CHST9: variants seen among roughly 807,000 people sequenced by gnomAD.
The protein encoded by CHST9 is carbohydrate sulfotransferase 9, also known as GalNAc-4-sulfotransferase 2.
A neutral mutation model predicts 44.4 loss-of-function variants in CHST9; 41 were observed. The observed-to-expected ratio is 0.92, with a 90% confidence interval of 0.72 to 1.20. The LOEUF (loss-of-function observed/expected upper bound fraction) is 1.20. Ranked by LOEUF, CHST9 falls within the 50% of genes most tolerant of loss-of-function variation. The pLI is 0.00. For synonymous variants in CHST9, 171 were observed against 178.4 expected (o/e 0.96, Z 0.33); for missense variants, 504 against 516.5 (o/e 0.98, Z 0.23).
intron 2 of CHST9, among the ~76,000 whole-genome samples, chr18:27,102,830 T>C (rs1427674155): frequency 6.6e-6 from 1 of 152,148 alleles, no homozygotes; most frequent in Non-Finnish European, 1.5e-5. Flanking sequence ...AGGGATTGTG[T>C]CTACTTTAGC....
At chr18:27,012,781 TAAAAC>T (rs1414852659) in intron 4 of CHST9, among the ~76,000 whole-genome samples, 1 of 152,162 alleles carries the variant, frequency 6.6e-6, no homozygotes, top group Admixed American at 6.5e-5. Flanking sequence ...GAGTCCAAAA[TAAAAC>T]AAAAGGTACA....
chr18:27,042,773 A>ATCTCTC (rs370600986), intron 3 of CHST9, among the ~76,000 whole-genome samples: 1 of 141,954 alleles, frequency 7.0e-6, no homozygotes, highest in South Asian at 2.4e-4. Flanking sequence ...TTCTCTCTCT[A>ATCTCTC]TCTCTCTCTC....
intron 2 of CHST9, among the ~76,000 whole-genome samples, chr18:27,099,678 G>C (rs573347157): frequency 3.9e-4 from 60 of 151,948 alleles, no homozygotes; most frequent in Non-Finnish European, 7.4e-4. Flanking sequence ...TCTCACACCA[G>C]TCAGAATAGG....
chr18:27,165,293 T>C (rs1258937717), intron 1 of CHST9, among the ~76,000 whole-genome samples: 4 of 152,004 alleles, frequency 2.6e-5, no homozygotes, highest in Admixed American at 6.6e-5. Context: ...TCAGGGAAAA[T>C]AGAAAATGCA....
At chr18:26,929,834 G>C (rs1292896333) in intron 5 of CHST9, among the ~76,000 whole-genome samples, 1 of 152,298 alleles carries the variant, frequency 6.6e-6, no homozygotes, top group East Asian at 1.9e-4. Flanking sequence ...TCTGAGTCAA[G>C]ATAAGGTGAA....
chr18:27,019,689 CAAAAAAA>C (rs60043018), intron 4 of CHST9, among the ~76,000 whole-genome samples: 96 of 91,290 alleles, frequency 1.1e-3, no homozygotes, highest in South Asian at 6.3e-3. Context: ...CACTACATGG[CAAAAAAA>C]AAAAAAAAAA....
At chr18:27,172,279 C>A (rs1458014832) in intron 1 of CHST9, among the ~76,000 whole-genome samples, 2 of 152,026 alleles carry the variant, frequency 1.3e-5, no homozygotes, top group African/African-American at 2.4e-5. Flanking sequence ...TTATGTTATT[C>A]ATGGTCTTGG....
chr18:27,140,347 C>T (rs1269631384), intron 2 of CHST9, among the ~76,000 whole-genome samples: 1 of 152,138 alleles, frequency 6.6e-6, no homozygotes, highest in Non-Finnish European at 1.5e-5. Context: ...TTTATGTAAA[C>T]ATTTGGCACT....
At chr18:27,059,379 A>G (rs188430171) in intron 2 of CHST9, among the ~76,000 whole-genome samples, 2 of 152,356 alleles carry the variant, frequency 1.3e-5, no homozygotes, top group African/African-American at 4.8e-5. Flanking sequence ...TTTATGGTAA[A>G]TAATTTAAAA....
At chr18:26,963,101 G>A (rs1261651425) in intron 4 of CHST9, among the ~76,000 whole-genome samples, 3 of 152,068 alleles carry the variant, frequency 2.0e-5, no homozygotes, top group Admixed American at 1.3e-4. Flanking sequence ...ATTATGTACC[G>A]GGCACTGTAT....
chr18:27,175,266 G>A (rs1043386297), intron 1 of CHST9, among the ~76,000 whole-genome samples: 1 of 151,678 alleles, frequency 6.6e-6, no homozygotes, highest in Non-Finnish European at 1.5e-5. Context: ...AACTTTCAGA[G>A]GATTTTTGTT....
intron 3 of CHST9, among the ~76,000 whole-genome samples, chr18:27,035,174 T>C (rs1471426922): frequency 1.3e-5 from 2 of 152,318 alleles, no homozygotes; most frequent in South Asian, 2.1e-4. Flanking sequence ...TTGTTTTCTT[T>C]TCTCTTTTTG....
At chr18:27,183,692 T>C (rs1010172261) in intron 1 of CHST9, among the ~76,000 whole-genome samples, 3 of 152,236 alleles carry the variant, frequency 2.0e-5, no homozygotes, top group Non-Finnish European at 4.4e-5. Context: ...CTAGGAATCA[T>C]ACTGTTTGAT....
At chr18:27,158,429 T>C (rs539920698) in intron 1 of CHST9, among the ~76,000 whole-genome samples, 195 of 151,816 alleles carry the variant, frequency 1.3e-3, no homozygotes, top group Non-Finnish European at 2.3e-3. Flanking sequence ...ACAAAGGACA[T>C]GAACTCATCA....
At chr18:27,110,332 T>C (rs1489329451) in intron 2 of CHST9, among the ~76,000 whole-genome samples, 2 of 152,188 alleles carry the variant, frequency 1.3e-5, no homozygotes, top group Admixed American at 6.5e-5. Flanking sequence ...GTTCCTTTTA[T>C]AGTTTTCGGA....
intron 2 of CHST9, among the ~76,000 whole-genome samples, chr18:27,064,222 T>C (rs1441084479): frequency 6.6e-6 from 1 of 151,318 alleles, no homozygotes; most frequent in East Asian, 1.9e-4. Context: ...TGAAGAAAAA[T>C]GTTACAAAAT....
intron 1 of CHST9, among the ~76,000 whole-genome samples, chr18:27,160,042 A>G (rs2058732868): frequency 6.6e-6 from 1 of 152,192 alleles, no homozygotes; most frequent in Admixed American, 6.5e-5. Context: ...GTATACAATC[A>G]TGTCTTCCGC....
At chr18:26,966,056 T>C (rs1173474561) in intron 4 of CHST9, among the ~76,000 whole-genome samples, 1 of 152,376 alleles carries the variant, frequency 6.6e-6, no homozygotes, top group African/African-American at 2.4e-5. Context: ...TTCATAATGC[T>C]GCTTTTAATT....
intron 5 of CHST9, among the ~76,000 whole-genome samples, chr18:26,923,221 C>G (rs772093981): frequency 5.9e-5 from 9 of 152,156 alleles, no homozygotes; most frequent in Non-Finnish European, 1.2e-4. Context: ...CAGCAAGATA[C>G]TATTGGAAGC....
Sources: gnomAD v4.1 joint callset for allele counts (sites outside exome capture counted in the v4.1 genomes callset) on GRCh38, gnomAD v4.1.1 for gene constraint, MANE v1.5 for transcripts, NCBI Gene and HGNC (gene_info 2026-07-23, HGNC 2026-07-21) for gene names.